Variants in RBFOX1 observed in about 807,000 individuals in gnomAD.
The protein encoded by RBFOX1 is RNA binding fox-1 homolog 1.
Under a neutral mutation model 57.7 loss-of-function variants are expected in RBFOX1, and 8 were observed. That is an observed-to-expected ratio of 0.14 (90% CI 0.08 to 0.25). The LOEUF (loss-of-function observed/expected upper bound fraction) is 0.25, where lower values mean the gene tolerates loss of function less well. Ranked by LOEUF, RBFOX1 falls within the 10% of genes least tolerant of loss-of-function variation. RBFOX1 has a pLI of 1.00. For missense variants in RBFOX1, 611 were observed against 548.5 expected, an observed-to-expected ratio of 1.11 and a Z score of -1.14; for synonymous variants, 326 against 222.4, an observed-to-expected ratio of 1.47 and a Z score of -4.15.
chr16:7,491,050 G>T (rs767098503), intron 4 of RBFOX1, among the ~76,000 whole-genome samples: 1 of 152,094 alleles, frequency 6.6e-6, no homozygotes, highest in African/African-American at 2.4e-5. Flanking sequence ...AGATTCTAAA[G>T]AGACAACCAA....
rs1374374598 is a variant in RBFOX1, at chr16:7,635,855, G to C, written c.757+5172G>C. Among the ~76,000 whole-genome samples the C allele has an allele frequency of 5.3e-5, 8 of 151,786 alleles. No homozygotes were observed. The East Asian group carries it at 9.7e-4, about 18-fold the overall frequency. On this transcript the variant is annotated intron_variant, in intron 11 of 15. Coordinates refer to ENST00000550418, the MANE Select transcript of RBFOX1 (RefSeq NM_018723.4). ...AGATGGAGTCTTGCTCTGTCACCCA[G>C]GCTGCAGTGCAGTAGCGCAGTCCCG...
In RBFOX1 at chr16:6,258,951, C is replaced by G. The variant is rs17139709; in HGVS notation, c.-126-58044C>G. On this transcript the variant is annotated intron_variant, in intron 1 of 15. Coordinates refer to ENST00000550418, the MANE Select transcript of RBFOX1 (RefSeq NM_018723.4). ...TGTTTATAAAAATGAAGAAATGAAT[C>G]AATGCAATTCCGAGTTCATTTACAA... Among the ~76,000 whole-genome samples the G allele has an allele frequency of 9.1e-3, 1,381 of 152,218 alleles. 19 individuals are homozygous for G. The highest frequency in any genetic ancestry group is 0.03 in the African/African-American group (1,263 of 41,532).
At chr16:7,700,149 C>T (rs1329170339) in intron 14 of RBFOX1, among the ~76,000 whole-genome samples, 1 of 152,018 alleles carries the variant, frequency 6.6e-6, no homozygotes, top group African/African-American at 2.4e-5. Flanking sequence ...ATCATCAATC[C>T]AATTCAGGGG....
At chr16:5,749,139 T>G (rs1489765392) in intron 3 of RBFOX1, among the ~76,000 whole-genome samples, 1 of 152,178 alleles carries the variant, frequency 6.6e-6, no homozygotes, top group Non-Finnish European at 1.5e-5. Flanking sequence ...AAGCTTAGTT[T>G]TGCTGGATAT....
intron 3 of RBFOX1, among the ~76,000 whole-genome samples, chr16:7,005,842 A>G (rs1361270061): frequency 2.0e-5 from 3 of 152,194 alleles, no homozygotes; most frequent in South Asian, 2.1e-4. Context: ...TTCACCGACT[A>G]CAGCTTTCGC....
intron 13 of RBFOX1, among the ~76,000 whole-genome samples, chr16:7,676,199 C>T (rs559818854): frequency 1.3e-5 from 2 of 152,138 alleles, no homozygotes; most frequent in South Asian, 4.1e-4. Flanking sequence ...AATGTTCAGT[C>T]ATTTTTGTAA....
intron 2 of RBFOX1, among the ~76,000 whole-genome samples, chr16:5,564,313 C>G (rs2151114347): frequency 6.6e-6 from 1 of 152,230 alleles, no homozygotes. Flanking sequence ...CCACCACACC[C>G]AATTGAGGAG....
At chr16:7,329,336 T>C (rs2096653932) in intron 4 of RBFOX1, among the ~76,000 whole-genome samples, 1 of 152,200 alleles carries the variant, frequency 6.6e-6, no homozygotes, top group Non-Finnish European at 1.5e-5. Context: ...TTAAAGTTCC[T>C]GCATTACACC....
At position 5,922,129 on chromosome 16, in the gene RBFOX1, C is replaced by A. The variant is rs141256781; in HGVS notation, c.351+54794C>A. 8.5e-5 allele frequency among the ~76,000 whole-genome samples: 13 copies of A among 152,292 alleles called. No individual in the cohort carries two copies. The East Asian group carries it at 2.5e-3, about 29-fold the overall frequency. Reference sequence around the variant, plus strand: ...TGAGCTCTGATCGCACCACTGCATTCCAGCCTAGGCAACACAGCAAGACCC... The same window carrying A: ...TGAGCTCTGATCGCACCACTGCATTACAGCCTAGGCAACACAGCAAGACCC... On this transcript the variant is annotated intron_variant, in intron 4 of 19. Coordinates refer to the RBFOX1 transcript ENST00000641259.
intron 2 of RBFOX1, among the ~76,000 whole-genome samples, chr16:6,333,723 T>G (rs2083310517): frequency 6.6e-6 from 1 of 152,174 alleles, no homozygotes; most frequent in Non-Finnish European, 1.5e-5. Flanking sequence ...ATCACAGACA[T>G]TAGGAATTGG....
chr16:6,467,923 A>G (rs1356930844), intron 2 of RBFOX1, among the ~76,000 whole-genome samples: 3 of 152,214 alleles, frequency 2.0e-5, no homozygotes, highest in Non-Finnish European at 2.9e-5. Context: ...TATGGCCAAT[A>G]AAGGGTTAAT....
At chr16:6,369,556 A>G (rs2090139514) in intron 2 of RBFOX1, among the ~76,000 whole-genome samples, 1 of 152,172 alleles carries the variant, frequency 6.6e-6, no homozygotes, top group African/African-American at 2.4e-5. Context: ...GTTGGGAGTG[A>G]AGAGATCTTT....
chr16:5,658,776 ATATATGTATATATATAATATATG>A (rs1287141769), intron 3 of RBFOX1, among the ~76,000 whole-genome samples: 76 of 136,536 alleles, frequency 5.6e-4, no homozygotes, highest in African/African-American at 2.3e-3. Flanking sequence ...GTATATATGT[ATATATGTATATATATAATATATG>A]TGTATATATG....
At chr16:7,243,114 A>G (rs890259397) in intron 4 of RBFOX1, among the ~76,000 whole-genome samples, 4 of 152,198 alleles carry the variant, frequency 2.6e-5, no homozygotes, top group Admixed American at 6.5e-5. Context: ...ATATCAATAT[A>G]GAATACATTT....
intron 1 of RBFOX1, chr16:6,059,268 T>G (rs1473149947): frequency 6.6e-6 from 1 of 152,160 alleles, no homozygotes; most frequent in Non-Finnish European, 1.5e-5. Flanking sequence ...GCAATTCTGA[T>G]TTCTTCCCTA....
At chr16:6,839,352 A>G (rs942515818) in intron 3 of RBFOX1, among the ~76,000 whole-genome samples, 1 of 151,910 alleles carries the variant, frequency 6.6e-6, no homozygotes, top group Non-Finnish European at 1.5e-5. Flanking sequence ...AACCCCACTG[A>G]CTCCATCTGG....
intron 1 of RBFOX1, among the ~76,000 whole-genome samples, chr16:6,091,747 C>A (rs2096178040): frequency 6.6e-6 from 1 of 152,186 alleles, no homozygotes; most frequent in Non-Finnish European, 1.5e-5. Flanking sequence ...GGGAGAATTG[C>A]TTGAACCTGG....
intron 3 of RBFOX1, among the ~76,000 whole-genome samples, chr16:5,785,106 C>A (rs1338110246): frequency 1.3e-5 from 2 of 152,138 alleles, no homozygotes; most frequent in African/African-American, 4.8e-5. Context: ...GCAACTTTTA[C>A]CTTCCACGGA....
intron 4 of RBFOX1, among the ~76,000 whole-genome samples, chr16:7,419,071 G>T (rs571777474): frequency 6.6e-6 from 1 of 151,746 alleles, no homozygotes; most frequent in East Asian, 1.9e-4. Flanking sequence ...CGCCCAGATA[G>T]TTTTTTTTGT....
Sources: gnomAD v4.1 joint callset for allele counts (sites outside exome capture counted in the v4.1 genomes callset) on GRCh38, gnomAD v4.1.1 for gene constraint, MANE v1.5 for transcripts, NCBI Gene and HGNC (gene_info 2026-07-23, HGNC 2026-07-21) for gene names.